The following ELAVL1 variants were observed in gnomAD, a reference collection of about 807,000 sequenced individuals.
ELAVL1 encodes the protein ELAV like RNA binding protein 1, also known as ELAV-like protein 1.
A neutral mutation model predicts 28.4 loss-of-function variants in ELAVL1; 1 was observed. That is an observed-to-expected ratio of 0.04 (90% CI 0.01 to 0.17). ELAVL1 has a LOEUF of 0.17. Among genes scored for constraint, ELAVL1 ranks in the 10% least tolerant of loss-of-function variants. ELAVL1 has a pLI of 1.00. For synonymous variants in ELAVL1, 174 were observed against 183.5 expected (o/e 0.95, Z 0.42); for missense variants, 157 against 447.2 (o/e 0.35, Z 5.85).
At chr19:7,998,670 T>C (rs2081057440) in intron 1 of ELAVL1, among the ~76,000 whole-genome samples, 1 of 152,096 alleles carries the variant, frequency 6.6e-6, no homozygotes, top group African/African-American at 2.4e-5. Flanking sequence ...TTTAAAGAGA[T>C]GGGGGTCTCT....
chr19:7,967,525 C>A (rs2162798), intron 5 of ELAVL1, 40 bp downstream of exon 5: 1 of 1,599,362 alleles, frequency 6.3e-7, no homozygotes, highest in East Asian at 2.2e-5. Context: ...GCCAGCGGGG[C>A]TAAGTATGGC....
At position 7,967,682 on chromosome 19, in the gene ELAVL1, G is replaced by A. The variant is rs1984992950; in HGVS notation, c.539C>T (p.Thr180Ile). The change falls in exon 5 of 6, where the codon ACA becomes ATA. Residue 180 changes from threonine (T) to isoleucine (I), a missense_variant. This residue lies in a region of ELAVL1 where 107 missense variants were observed against 310.4 expected (regional missense o/e 0.34). Coordinates refer to ENST00000407627, the MANE Select transcript of ELAVL1 (RefSeq NM_001419.3). ...HKPPGSSEPI[T>I]VKFAANPNQN... is the part of the protein sequence containing the mutation. Reference sequence around the variant, plus strand: ...GTTGGGGTTGGCTGCAAACTTCACTGTGATGGGCTCAGAGGAACCTGGGGG... The same window carrying A: ...GTTGGGGTTGGCTGCAAACTTCACTATGATGGGCTCAGAGGAACCTGGGGG... 11 of 1,614,246 alleles carry A rather than the reference G, an allele frequency of 6.8e-6. No homozygotes were observed. Among genetic ancestry groups the A allele is most frequent in the Non-Finnish European group, 9.3e-6 (11 of 1,180,052 alleles).
intron 2 of ELAVL1, among the ~76,000 whole-genome samples, chr19:7,990,882 C>T (rs1404272909): frequency 3.3e-5 from 5 of 152,148 alleles, no homozygotes; most frequent in African/African-American, 7.2e-5. Context: ...AATTCTCTCC[C>T]GAGTCCTTGA....
chr19:7,995,564 G>C (rs1221639896), intron 1 of ELAVL1, among the ~76,000 whole-genome samples: 1 of 152,108 alleles, frequency 6.6e-6, no homozygotes, highest in Non-Finnish European at 1.5e-5. Flanking sequence ...TTTATGTATT[G>C]TCTGTCTATA....
intron 3 of ELAVL1, among the ~76,000 whole-genome samples, chr19:7,978,284 T>C (rs1333774472): frequency 6.6e-6 from 1 of 152,140 alleles, no homozygotes; most frequent in African/African-American, 2.4e-5. Context: ...TTGTGCTAAG[T>C]GATGGCTCAG....
At chr19:7,964,668 C>A (rs1000469084) in intron 5 of ELAVL1, among the ~76,000 whole-genome samples, 2 of 151,898 alleles carry the variant, frequency 1.3e-5, no homozygotes, top group Admixed American at 6.6e-5. Flanking sequence ...GACCCCATCT[C>A]TAGGAAAAAA....
At chr19:7,966,494 G>A (rs373359666) in intron 5 of ELAVL1, among the ~76,000 whole-genome samples, 24 of 152,304 alleles carry the variant, frequency 1.6e-4, no homozygotes, top group African/African-American at 5.1e-4. Context: ...ATGACTCCAC[G>A]AGGCAGGTGT....
chr19:7,985,461 G>A (rs931568933), intron 2 of ELAVL1, among the ~76,000 whole-genome samples: 2 of 152,238 alleles, frequency 1.3e-5, no homozygotes, highest in Admixed American at 1.3e-4. Flanking sequence ...GCAGGTGTGG[G>A]AATCCACATC....
intron 2 of ELAVL1, among the ~76,000 whole-genome samples, chr19:7,990,362 TCTCA>T (rs1180669168): frequency 7.1e-6 from 1 of 140,892 alleles, no homozygotes; most frequent in Non-Finnish European, 1.5e-5. Context: ...TGAGACAAGG[TCTCA>T]CTATGTTGCC....
chr19:7,980,366 GCCCAC>G (rs1985424435), intron 3 of ELAVL1, among the ~76,000 whole-genome samples: 1 of 152,172 alleles, frequency 6.6e-6, no homozygotes. Flanking sequence ...GGCAGGAGCT[GCCCAC>G]GAACCCAGGA....
intron 3 of ELAVL1, among the ~76,000 whole-genome samples, chr19:7,978,861 A>G (rs1023994629): frequency 1.3e-5 from 2 of 152,186 alleles, no homozygotes; most frequent in Admixed American, 1.3e-4. Flanking sequence ...ATAGAACTGC[A>G]GGACACCAGG....
At chr19:8,004,224 C>T (rs1389473198) in intron 1 of ELAVL1, among the ~76,000 whole-genome samples, 1 of 152,256 alleles carries the variant, frequency 6.6e-6, no homozygotes, top group Admixed American at 6.5e-5. Flanking sequence ...GCACAGACCA[C>T]GCACAACGCA....
In ELAVL1 at chr19:7,963,778, CTCA is replaced by C. The variant is rs753326877; in HGVS notation, c.683_685del (p.Met228del). On this transcript the variant is annotated inframe_deletion, in exon 6 of 6. Coordinates refer to ENST00000407627, the MANE Select transcript of ELAVL1 (RefSeq NM_001419.3). The surrounding 1 kb of genome is among the most constrained non-coding windows in gnomAD (Gnocchi z 4.5). ...TGGCACGTTGACGCCAGAGAGCCCGCTCATGTGATCGACGCCCATGGGGGAGAA... is the reference window on the plus strand; with the variant it reads ...TGGCACGTTGACGCCAGAGAGCCCGCTGTGATCGACGCCCATGGGGGAGAA... 7 of 1,614,092 alleles carry C rather than the reference CTCA, an allele frequency of 4.3e-6. No individual in the cohort carries two copies. The highest frequency in any genetic ancestry group is 5.9e-6 in the Non-Finnish European group (7 of 1,179,912).
chr19:7,971,958 G>C (rs1315883523), intron 4 of ELAVL1, among the ~76,000 whole-genome samples: 1 of 152,252 alleles, frequency 6.6e-6, no homozygotes, highest in Non-Finnish European at 1.5e-5. Flanking sequence ...GTGTGCACAT[G>C]AAAGGCGAGG....
chr19:7,987,004 C>T (rs1223959916), intron 2 of ELAVL1, among the ~76,000 whole-genome samples: 2 of 150,824 alleles, frequency 1.3e-5, no homozygotes, highest in East Asian at 3.9e-4. Flanking sequence ...AAACATGACT[C>T]ATATTAAGAA....
At chr19:8,001,262 C>T (rs543640157) in intron 1 of ELAVL1, among the ~76,000 whole-genome samples, 83 of 152,288 alleles carry the variant, frequency 5.5e-4, no homozygotes, top group African/African-American at 1.8e-3. Flanking sequence ...CTTCAAACCG[C>T]CTCCGCCCCC....
At chr19:7,978,164 A>G (rs1985353844) in intron 3 of ELAVL1, among the ~76,000 whole-genome samples, 1 of 152,214 alleles carries the variant, frequency 6.6e-6, no homozygotes, top group Admixed American at 6.5e-5. Flanking sequence ...CCTAGCCCGT[A>G]TTGTCATAAA....
rs1481044004 is a variant in ELAVL1, at chr19:7,967,690, C to A, written c.531G>T (p.Glu177Asp). The A allele has an allele frequency of 6.2e-7, 1 of 1,614,216 alleles. No individual in the cohort carries two copies. The highest frequency in any genetic ancestry group is 8.5e-7 in the Non-Finnish European group (1 of 1,180,046). The change falls in exon 5 of 6, where the codon GAG (glutamate) becomes GAT (aspartate). Residue 177 changes from glutamate (E) to aspartate (D), a missense_variant. Around this residue, in one of 4 missense-constraint regions of ELAVL1, gnomAD observed 107 missense variants for 310.4 expected, o/e 0.34. Transcript: ENST00000407627. ...TGGCTGCAAACTTCACTGTGATGGG[C>A]TCAGAGGAACCTGGGGGTTTATGAC... ...FNGHKPPGSSEPITVKFAANP... is the reference protein window; with the variant it reads ...FNGHKPPGSSDPITVKFAANP...
At position 7,981,305 on chromosome 19, in the gene ELAVL1, CTT is replaced by C. The variant is rs1024430269; in HGVS notation, c.173-121_173-120del. 4 of 814,322 alleles carry C rather than the reference CTT, an allele frequency of 4.9e-6. No individual in the cohort carries two copies. The African/African-American group carries it at 5.2e-5, about 10-fold the overall frequency. 50.4% of individuals were successfully genotyped at this position (814,322 alleles called of 1,614,324 possible). ...AAATGGGATTACAGGTGCTAGCAAA[CTT>C]TATTTTCTTTGGCAAACACGTACAT... is the stretch of plus-strand genomic sequence containing the variant. On this transcript the variant is annotated intron_variant, in intron 2 of 5. Coordinates refer to ENST00000407627, the MANE Select transcript of ELAVL1 (RefSeq NM_001419.3). This position sits in a 1 kb window ranked among gnomAD's most constrained non-coding sequence, Gnocchi z 4.2.
Sources: gnomAD v4.1 joint callset for allele counts (sites outside exome capture counted in the v4.1 genomes callset) on GRCh38, gnomAD v4.1.1 for gene constraint, gnomAD v4.1.1 regional missense constraint, Gnocchi (gnomAD v3.1) non-coding constraint, MANE v1.5 for transcripts, NCBI Gene and HGNC (gene_info 2026-07-23, HGNC 2026-07-21) for gene names.